Variants in BICD1 observed in about 807,000 individuals in gnomAD.
BICD1 encodes the protein BICD cargo adaptor 1, also known as protein bicaudal D homolog 1.
Under a neutral mutation model 92.5 loss-of-function variants are expected in BICD1, and 35 were observed. That is an observed-to-expected ratio of 0.38 (90% CI 0.29 to 0.50). The LOEUF is 0.50. Ranked by LOEUF, BICD1 falls within the 20% of genes least tolerant of loss-of-function variation. The pLI is 0.93. For synonymous variants in BICD1, 429 were observed against 465.1 expected, an observed-to-expected ratio of 0.92 and a Z score of 1.00; for missense variants, 950 against 1,189.8, an observed-to-expected ratio of 0.80 and a Z score of 2.97.
At chr12:32,288,536 C>T (rs1947641433) in intron 2 of BICD1, among the ~76,000 whole-genome samples, 1 of 152,090 alleles carries the variant, frequency 6.6e-6, no homozygotes, top group Admixed American at 6.5e-5. Context: ...AGGCATGAAC[C>T]ACTGTGCCCA....
intron 8 of BICD1, among the ~76,000 whole-genome samples, chr12:32,351,123 T>A (rs1426499359): frequency 1.3e-5 from 2 of 151,264 alleles, no homozygotes; most frequent in African/African-American, 4.9e-5. Flanking sequence ...CAGTGATGGT[T>A]CTCAGGACTA....
Position 32,360,943 on chromosome 12 carries a change from A to G in BICD1, c.2765-6727A>G, listed in dbSNP as rs547174805. Among the ~76,000 whole-genome samples, 18 of 152,368 alleles carry G rather than the reference A, an allele frequency of 1.2e-4. No homozygotes were observed. The South Asian group carries it at 1.9e-3, about 16-fold the overall frequency. On this transcript the variant is annotated intron_variant, in intron 8 of 9. Transcript: ENST00000652176. ...CATGTATTTTAAACATAAAGTTTAAATGGATATGAAATATTGTGCTGGAAT... is the reference window on the plus strand; with the variant it reads ...CATGTATTTTAAACATAAAGTTTAAGTGGATATGAAATATTGTGCTGGAAT...
rs146214036 is a variant in BICD1, at chr12:32,150,874, A to G, written c.213+43330A>G. Among the ~76,000 whole-genome samples the G allele has an allele frequency of 3.9e-3, 589 of 152,306 alleles. 5 individuals carry two copies. The highest frequency in any genetic ancestry group is 6.4e-3 in the Non-Finnish European group (434 of 68,026). ...CAGGTAAAGAAGGCACGTGAGACTC[A>G]TGGCAAATTCATTGACTCTTCTGTC... is the stretch of plus-strand genomic sequence containing the variant. On this transcript the variant is annotated intron_variant, in intron 1 of 9. Transcript: ENST00000652176.
At chr12:32,116,012 G>A (rs1190508448) in intron 1 of BICD1, among the ~76,000 whole-genome samples, 1 of 152,174 alleles carries the variant, frequency 6.6e-6, no homozygotes, top group African/African-American at 2.4e-5. Context: ...AGCATGCTGT[G>A]CAGGAGGTGG....
At chr12:32,161,983 G>C (rs1184821625) in intron 1 of BICD1, among the ~76,000 whole-genome samples, 1 of 152,204 alleles carries the variant, frequency 6.6e-6, no homozygotes, top group Non-Finnish European at 1.5e-5. Flanking sequence ...TACTTTCGCA[G>C]GTTCCAGAAC....
In BICD1 at chr12:32,144,565, C is replaced by T. The variant is rs570300744; in HGVS notation, c.213+37021C>T. The stretch of plus-strand genomic sequence containing the variant: ...TTTGTCAAATAGCCCCTGGCATCAT[C>T]TGGGCTAAATGAAGAATCACCAGGA... On this transcript the variant is annotated intron_variant, in intron 1 of 9. Transcript: ENST00000652176. Among the ~76,000 whole-genome samples the T allele has an allele frequency of 2.6e-5, 4 of 152,312 alleles. No homozygotes were observed. In the South Asian group the frequency reaches 8.3e-4, roughly 32 times the overall value.
intron 4 of BICD1, among the ~76,000 whole-genome samples, chr12:32,320,461 G>A (rs566188013): frequency 2.0e-5 from 3 of 152,098 alleles, no homozygotes; most frequent in Non-Finnish European, 2.9e-5. Flanking sequence ...GGCCAACATG[G>A]TGAAACCCCA....
At position 32,346,576 on chromosome 12, in the gene BICD1, A is replaced by ACGTGTG. The variant is rs1938602343; in HGVS notation, c.2764+7597_2764+7598insCGTGTG. On this transcript the variant is annotated intron_variant, in intron 8 of 9. Coordinates refer to ENST00000652176, the MANE Select transcript of BICD1 (RefSeq NM_001714.4). The stretch of plus-strand genomic sequence containing the variant: ...TATATATATATATATATATATATAT[A>ACGTGTG]TATATACGTGTATATATATATATAT... Among the ~76,000 whole-genome samples, 11 of 38,316 alleles carry ACGTGTG rather than the reference A, an allele frequency of 2.9e-4. 1 individual carries two copies. Among genetic ancestry groups the ACGTGTG allele is most frequent in the South Asian group, 1.3e-3 (1 of 752 alleles). The allele number at this position is 38,316 out of a possible 152,430, so 25.1% of individuals were successfully genotyped here.
At chr12:32,280,366 T>G (rs1947382410) in intron 2 of BICD1, among the ~76,000 whole-genome samples, 1 of 152,184 alleles carries the variant, frequency 6.6e-6, no homozygotes, top group African/African-American at 2.4e-5. Flanking sequence ...ATCTTTTAGA[T>G]GAAGAAATGA....
At chr12:32,220,228 A>C (rs1284518734) in intron 2 of BICD1, among the ~76,000 whole-genome samples, 6 of 152,202 alleles carry the variant, frequency 3.9e-5, no homozygotes, top group African/African-American at 1.4e-4. Context: ...GCAACAAAAG[A>C]CAAAATTGAC....
chr12:32,163,834 T>G (rs932679591), intron 1 of BICD1, among the ~76,000 whole-genome samples: 2 of 152,164 alleles, frequency 1.3e-5, no homozygotes, highest in African/African-American at 4.8e-5. Flanking sequence ...CTAGTACCAC[T>G]CACAGGCCAA....
intron 3 of BICD1, among the ~76,000 whole-genome samples, chr12:32,294,655 T>C (rs1043441131): frequency 3.4e-5 from 5 of 148,776 alleles, no homozygotes; most frequent in African/African-American, 9.9e-5. Context: ...AGCCTGGGTC[T>C]GTAAGCTTGT....
rs181581404 is a variant in BICD1, at chr12:32,301,098, G to A, written c.580-4599G>A. 5.3e-5 allele frequency among the ~76,000 whole-genome samples: 8 copies of A among 152,254 alleles called. No homozygotes were observed. The East Asian group carries it at 1.5e-3, about 29-fold the overall frequency. On this transcript the variant is annotated intron_variant, in intron 3 of 9. Coordinates refer to ENST00000652176, the MANE Select transcript of BICD1 (RefSeq NM_001714.4). The stretch of plus-strand genomic sequence containing the variant: ...TTCATAAGGAGGTAAAGGCCCTTCT[G>A]ATTTCCATACTCCTTCATCCCAAGT...
intron 2 of BICD1, among the ~76,000 whole-genome samples, chr12:32,258,652 G>A (rs1946778784): frequency 6.6e-6 from 1 of 152,090 alleles, no homozygotes; most frequent in South Asian, 2.1e-4. Context: ...GATTGATAAG[G>A]TCAAGCAAGT....
intron 1 of BICD1, among the ~76,000 whole-genome samples, chr12:32,127,320 T>C (rs1942381494): frequency 6.6e-6 from 1 of 152,206 alleles, no homozygotes; most frequent in Non-Finnish European, 1.5e-5. Flanking sequence ...GAATTGAGTT[T>C]TGTGTTTGGT....
chr12:32,375,321 G>C (rs553481399), intron 9 of BICD1, among the ~76,000 whole-genome samples: 1 of 152,020 alleles, frequency 6.6e-6, no homozygotes, highest in Non-Finnish European at 1.5e-5. Context: ...TTGAAGTCAG[G>C]AGTTCGAGAC....
At chr12:32,365,193 T>C (rs1204216119) in intron 8 of BICD1, among the ~76,000 whole-genome samples, 2 of 152,178 alleles carry the variant, frequency 1.3e-5, no homozygotes, top group Non-Finnish European at 2.9e-5. Flanking sequence ...GCCGAGATTG[T>C]GCCATTGCAC....
At chr12:32,133,829 T>A (rs947698871) in intron 1 of BICD1, among the ~76,000 whole-genome samples, 30 of 150,636 alleles carry the variant, frequency 2.0e-4, no homozygotes, top group Non-Finnish European at 3.4e-4. Flanking sequence ...TCCCCCAGGC[T>A]GGAGTGCAGT....
At chr12:32,374,251 A>G (rs902273572) in intron 9 of BICD1, among the ~76,000 whole-genome samples, 1 of 151,972 alleles carries the variant, frequency 6.6e-6, no homozygotes, top group Non-Finnish European at 1.5e-5. Context: ...AAAAAAAGCC[A>G]TATCTTTCTT....
Sources: allele counts gnomAD v4.1 joint callset (sites outside exome capture counted in the v4.1 genomes callset), GRCh38; gene constraint gnomAD v4.1.1; transcripts MANE v1.5; gene names NCBI Gene and HGNC (gene_info 2026-07-23, HGNC 2026-07-21).